Variants in RGL3 observed in about 807,000 individuals in gnomAD.
RGL3 encodes ral guanine nucleotide dissociation stimulator-like 3.
In RGL3, 85 loss-of-function variants were observed where a neutral mutation model predicts 90.6. That is an observed-to-expected ratio of 0.94 (90% confidence interval 0.79 to 1.12). The LOEUF (loss-of-function observed/expected upper bound fraction) is 1.12, where lower values mean the gene tolerates loss of function less well. Among genes scored for constraint, RGL3 ranks in the 50% most tolerant of loss-of-function variants. The pLI, the probability that RGL3 is intolerant of heterozygous loss-of-function variation, is 0.00. For missense variants in RGL3, 1,034 were observed against 939.2 expected (o/e 1.10, Z -1.32); for synonymous variants, 408 against 385.5 (o/e 1.06, Z -0.68).
At chr19:11,418,077 C>T (rs1428804355) in intron 2 of RGL3, among the ~76,000 whole-genome samples, 1 of 152,012 alleles carries the variant, frequency 6.6e-6, no homozygotes, top group African/African-American at 2.4e-5. Flanking sequence ...CTTGGTCTCT[C>T]GAAGCGCAGG....
intron 18 of RGL3, among the ~76,000 whole-genome samples, chr19:11,396,134 C>CTATATATATA (rs1568334074): frequency 1.4e-4 from 4 of 29,480 alleles, no homozygotes; most frequent in Non-Finnish European, 2.3e-4. Flanking sequence ...CTCTCTCTCT[C>CTATATATATA]TCTATATATA....
intron 2 of RGL3, 200 bp downstream of exon 2, chr19:11,418,471 G>C: frequency 3.4e-6 from 2 of 583,806 alleles, no homozygotes; most frequent in South Asian, 4.1e-5. Context: ...GCCATCGCCT[G>C]GCCCCACCCC....
intron 13 of RGL3, among the ~76,000 whole-genome samples, chr19:11,400,723 C>T (rs567612649): frequency 6.6e-6 from 1 of 151,902 alleles, no homozygotes; most frequent in Non-Finnish European, 1.5e-5. Flanking sequence ...GGTGTGGTAG[C>T]TCGCGCCTGT....
At chr19:11,411,148 G>T (rs1045060400) in intron 5 of RGL3, 1 of 141,866 alleles carries the variant, frequency 7.0e-6, no homozygotes, top group Non-Finnish European at 1.5e-5. Flanking sequence ...GGCGGAGGTT[G>T]CAGTGAGCCA....
rs77522653 is a variant in RGL3 at position 11,419,164 on chromosome 19, C to G, written c.33+82G>C. ...GGCAAGTTCAGATTGGGAGCAGATACCGTCCGACGGGCGGGCGCTTGGAGT... is the reference window on the plus strand; with the variant it reads ...GGCAAGTTCAGATTGGGAGCAGATAGCGTCCGACGGGCGGGCGCTTGGAGT... On this transcript the variant is annotated intron_variant, in intron 1 of 18. Transcript: ENST00000380456. 8.6e-3 allele frequency: 12,591 copies of G among 1,459,610 alleles called. 874 individuals carry two copies. The African/African-American group carries it at 0.15, about 18-fold the overall frequency. 90.4% of individuals were successfully genotyped at this position (1,459,610 alleles called of 1,614,324 possible).
intron 1 of RGL3, 169 bp from the exon 2 acceptor site, chr19:11,418,953 C>A (rs1969056473): frequency 4.8e-6 from 3 of 630,186 alleles, no homozygotes; most frequent in Middle Eastern, 4.3e-4. Context: ...CTCCTCGCTG[C>A]GGGTCCCCTC....
intron 2 of RGL3, 133 bp from the exon 3 acceptor site, chr19:11,417,192 C>T (rs1378054320): frequency 5.5e-6 from 4 of 726,636 alleles, no homozygotes; most frequent in Non-Finnish European, 8.7e-6. Flanking sequence ...CACTCTGTTG[C>T]CCAGGCTGGA....
Position 11,406,779 on chromosome 19 carries a change from G to A in RGL3, c.723C>T (p.Pro241=). ...CGTCCACGCTGAAGTCCAGGAGCTG[G>A]GGACCTTGAGGCATGAGCCCTTCCT... ...EEEEGLMPQG[P]QLLDFSVDEV... Residue 241 remains proline, a synonymous_variant, in exon 6 of 19, where the codon CCC becomes CCT. Coordinates refer to ENST00000380456, the MANE Select transcript of RGL3 (RefSeq NM_001035223.4). The A allele has an allele frequency of 6.2e-7, 1 of 1,614,068 alleles. No individual in the cohort carries two copies. Among genetic ancestry groups the A allele is most frequent in the Non-Finnish European group, 8.5e-7 (1 of 1,180,026 alleles).
intron 9 of RGL3, among the ~76,000 whole-genome samples, chr19:11,404,004 C>T (rs1236529615): frequency 6.6e-6 from 1 of 152,166 alleles, no homozygotes; most frequent in Non-Finnish European, 1.5e-5. Flanking sequence ...TCCTCAGCCT[C>T]CTGAATAGCT....
chr19:11,397,674 A>G, intron 16 of RGL3, 77 bp from the exon 17 acceptor site: 1 of 1,371,444 alleles, frequency 7.3e-7, no homozygotes, highest in Non-Finnish European at 9.7e-7. Context: ...CGAACACCCC[A>G]GCCACCACTG....
At chr19:11,397,703 C>T (rs1276563593) in intron 16 of RGL3, 106 bp from the exon 17 acceptor site, 2 of 1,145,564 alleles carry the variant, frequency 1.7e-6, no homozygotes, top group African/African-American at 3.1e-5. Flanking sequence ...AATAGCCCCA[C>T]ATTTAAAATC....
At position 11,402,041 on chromosome 19, in the gene RGL3, T is replaced by G. The variant is rs775421743; in HGVS notation, c.1454A>C (p.His485Pro). The G allele has an allele frequency of 2.7e-5, 42 of 1,565,078 alleles. No homozygotes were observed. Among genetic ancestry groups the G allele is most frequent in the Non-Finnish European group, 3.5e-5 (41 of 1,155,550 alleles). Residue 485 changes from histidine (H) to proline (P), a missense_variant, in exon 13 of 19, where the codon CAT (histidine) becomes CCT (proline). Physicochemically the swap from His to Pro is moderately conservative, Grantham distance 77 (BLOSUM62 -2). Transcript: ENST00000380456. Reference protein sequence around the residue: ...SPHPPILAALHAQNQLTEEQS... With the variant: ...SPHPPILAALPAQNQLTEEQS... Reference sequence around the variant, plus strand: ...CTCCTCGGTGAGCTGGTTCTGGGCATGCAGGGCAGCCAGGATGGGCGGGTG... The same window carrying G: ...CTCCTCGGTGAGCTGGTTCTGGGCAGGCAGGGCAGCCAGGATGGGCGGGTG...
rs1968649664 is a variant in RGL3, at chr19:11,400,223, C to G, written c.1559G>C (p.Ser520Thr). Reference protein sequence around the residue: ...PSSPRIRRRISLTKRLSAKLA... With the variant: ...PSSPRIRRRITLTKRLSAKLA... ...TCACGCACTGAGACGCTTGGTGAGG[C>G]TGATCCGCCGTCGGATGCGTGGGGA... is the stretch of plus-strand genomic sequence containing the variant. Residue 520 changes from serine (S) to threonine (T), a missense_variant, in exon 14 of 19, where the codon AGC (serine) becomes ACC (threonine). By Grantham distance (58) the Ser-to-Thr change is moderately conservative. Coordinates refer to ENST00000380456, the MANE Select transcript of RGL3 (RefSeq NM_001035223.4). 4.4e-6 allele frequency: 7 copies of G among 1,594,988 alleles called. No homozygotes were observed. Among genetic ancestry groups the G allele is most frequent in the Non-Finnish European group, 6.0e-6 (7 of 1,170,106 alleles).
intron 16 of RGL3, 50 bp from the exon 17 acceptor site, chr19:11,397,647 T>G (rs1968601888): frequency 6.8e-7 from 1 of 1,468,930 alleles, no homozygotes; most frequent in Admixed American, 2.6e-5. Flanking sequence ...CTGCAGATGC[T>G]GAGGGCTAGA....
intron 5 of RGL3, among the ~76,000 whole-genome samples, chr19:11,410,034 G>A (rs1968846609): frequency 6.6e-6 from 1 of 151,802 alleles, no homozygotes; most frequent in South Asian, 2.1e-4. Flanking sequence ...TGCCTCCAGG[G>A]TTCAAGCAAT....
chr19:11,414,489 TCATATATATATATATATATA>T, intron 5 of RGL3, among the ~76,000 whole-genome samples: 1 of 25,338 alleles, frequency 3.9e-5, no homozygotes, highest in African/African-American at 1.8e-4. Flanking sequence ...ATATACACCT[TCATATATATATATATATATA>T]TATATATATA....
In RGL3 at chr19:11,397,613, G is replaced by A; in HGVS notation, c.1747-16C>T. ...TCAGGGGCAGCTGCAGGCAGTAAGGGGTGGAGGCTACAGCTTGGCCCATCT... is the reference window on the plus strand; with the variant it reads ...TCAGGGGCAGCTGCAGGCAGTAAGGAGTGGAGGCTACAGCTTGGCCCATCT... On this transcript the variant is annotated splice_polypyrimidine_tract_variant and intron_variant, in intron 16 of 18. Coordinates refer to ENST00000380456, the MANE Select transcript of RGL3 (RefSeq NM_001035223.4). 2 of 1,528,006 alleles carry A rather than the reference G, an allele frequency of 1.3e-6. No homozygotes were observed. Among genetic ancestry groups the A allele is most frequent in the Non-Finnish European group, 1.8e-6 (2 of 1,133,736 alleles). 94.7% of individuals were successfully genotyped at this position (1,528,006 alleles called of 1,614,324 possible).
chr19:11,414,511 A>ACC (rs1568342040), intron 5 of RGL3, among the ~76,000 whole-genome samples: 1 of 116,522 alleles, frequency 8.6e-6, no homozygotes, highest in Non-Finnish European at 1.7e-5. Flanking sequence ...ATATATATAT[A>ACC]TATATATATA....
chr19:11,419,015 G>T, intron 1 of RGL3: 1 of 646,306 alleles, frequency 1.5e-6, no homozygotes. Context: ...CCAGGGCCCA[G>T]TCTAATAGAA....
Sources: allele counts gnomAD v4.1 joint callset (sites outside exome capture counted in the v4.1 genomes callset), GRCh38; gene constraint gnomAD v4.1.1; transcripts MANE v1.5; gene names NCBI Gene and HGNC (gene_info 2026-07-23, HGNC 2026-07-21).